The following CD226 variants were observed in gnomAD, a reference collection of about 807,000 sequenced individuals.
The protein encoded by CD226 is CD226 antigen.
A neutral mutation model predicts 34.9 loss-of-function variants in CD226; 24 were observed. The observed-to-expected ratio is 0.69, with a 90% CI of 0.50 to 0.97. The LOEUF is 0.97. CD226 is among the 50% of genes least tolerant of loss of function. The pLI is 0.00. For missense variants in CD226, 397 were observed against 412.7 expected, an observed-to-expected ratio of 0.96 and a Z score of 0.33; for synonymous variants, 148 against 147.4, an observed-to-expected ratio of 1.00 and a Z score of -0.03.
chr18:69,949,849 C>T (rs977417825), upstream of CD226, among the ~76,000 whole-genome samples: 6 of 152,166 alleles, frequency 3.9e-5, no homozygotes, highest in Admixed American at 6.5e-5. Context: ...CACACTCATG[C>T]ACTTACACGT....
intron 2 of CD226, among the ~76,000 whole-genome samples, chr18:69,927,338 T>C (rs574900603): frequency 1.2e-4 from 18 of 150,524 alleles, no homozygotes; most frequent in Admixed American, 9.3e-4. Flanking sequence ...TACTTTGTTA[T>C]AGCAGCCTGA....
At chr18:69,874,344 T>C (rs1451945272) in intron 3 of CD226, among the ~76,000 whole-genome samples, 1 of 152,140 alleles carries the variant, frequency 6.6e-6, no homozygotes, top group Non-Finnish European at 1.5e-5. Flanking sequence ...ACAACACACC[T>C]CTCACCCTTC....
In CD226 at chr18:69,909,801, T is replaced by G. The variant is rs1454190746; in HGVS notation, c.383-13756A>C. On this transcript the variant is annotated intron_variant, in intron 2 of 5. Coordinates refer to ENST00000582621, the MANE Select transcript of CD226 (RefSeq NM_001303618.2). ...AGAGGAAATGTCTGCAAATTAATCC[T>G]ACGCAACAATAATTCTGTAAAGCAT... Among the ~76,000 whole-genome samples the G allele has an allele frequency of 4.6e-5, 7 of 152,238 alleles. 1 individual carries two copies. Among genetic ancestry groups the G allele is most frequent in the African/African-American group, 1.7e-4 (7 of 41,474 alleles).
chr18:69,950,199 C>T (rs549317280), upstream of CD226, among the ~76,000 whole-genome samples: 97 of 152,256 alleles, frequency 6.4e-4, no homozygotes, highest in Admixed American at 9.8e-4. Flanking sequence ...CTCACATGCA[C>T]GCACACATGC....
At chr18:69,921,732 T>A (rs2055454438) in intron 2 of CD226, among the ~76,000 whole-genome samples, 1 of 152,198 alleles carries the variant, frequency 6.6e-6, no homozygotes, top group Non-Finnish European at 1.5e-5. Context: ...AGAATGCAAA[T>A]CTACACACTC....
At chr18:69,924,141 G>A (rs1008636267) in intron 2 of CD226, among the ~76,000 whole-genome samples, 1 of 151,714 alleles carries the variant, frequency 6.6e-6, no homozygotes. Context: ...CCGAGCCAAC[G>A]TCATAGAAGA....
intron 2 of CD226, among the ~76,000 whole-genome samples, chr18:69,942,667 G>A (rs2055740359): frequency 1.3e-5 from 2 of 152,114 alleles, no homozygotes; most frequent in African/African-American, 4.8e-5. Flanking sequence ...GTGCATGCAG[G>A]GAGAGAGTCT....
chr18:69,937,021 T>C (rs1399795984), intron 2 of CD226, among the ~76,000 whole-genome samples: 1 of 152,220 alleles, frequency 6.6e-6, no homozygotes, highest in African/African-American at 2.4e-5. Context: ...TTTTCGTATG[T>C]TTTCTTCCTT....
At chr18:69,881,715 G>A (rs933649734) in intron 3 of CD226, among the ~76,000 whole-genome samples, 1 of 152,128 alleles carries the variant, frequency 6.6e-6, no homozygotes, top group Non-Finnish European at 1.5e-5. Context: ...GTGTACAGCA[G>A]AGCATGCTTG....
intron 2 of CD226, among the ~76,000 whole-genome samples, chr18:69,924,037 C>T (rs1183598528): frequency 6.6e-6 from 1 of 151,782 alleles, no homozygotes; most frequent in Admixed American, 6.6e-5. Flanking sequence ...TCGAGGATGG[C>T]TTCCACAAAA....
At chr18:69,898,765 G>C (rs1239493222) in intron 2 of CD226, among the ~76,000 whole-genome samples, 1 of 152,162 alleles carries the variant, frequency 6.6e-6, no homozygotes, top group Non-Finnish European at 1.5e-5. Context: ...TATTGCTTGT[G>C]GCTTCTCAGA....
rs931737136 is a variant in CD226 at position 69,858,279 on chromosome 18, A to G, written c.*6035T>C. On this transcript the variant is annotated 3_prime_UTR_variant, in exon 6 of 6. Coordinates refer to ENST00000582621, the MANE Select transcript of CD226 (RefSeq NM_001303618.2). Reference sequence around the variant, plus strand: ...CCTTGAAACATTTATAAAAGGGTATATTAAACCCTGCCTTTAAGAAAACTA... The same window carrying G: ...CCTTGAAACATTTATAAAAGGGTATGTTAAACCCTGCCTTTAAGAAAACTA... The G allele has an allele frequency of 2.0e-5, 3 of 152,334 alleles. No individual in the cohort carries two copies. Among genetic ancestry groups the G allele is most frequent in the Admixed American group, 1.3e-4 (2 of 15,306 alleles). The allele number at this position is 152,334 out of a possible 1,614,324, so 9.4% of individuals were successfully genotyped here. A position where few individuals can be genotyped will look rare whatever the true frequency, so the allele number is the denominator to read the frequency against.
intron 2 of CD226, among the ~76,000 whole-genome samples, chr18:69,924,946 G>A (rs543079396): frequency 7.2e-5 from 11 of 152,256 alleles, no homozygotes; most frequent in African/African-American, 2.4e-4. Flanking sequence ...AAAGGGATTC[G>A]TTTCATCTTT....
chr18:69,911,524 G>A (rs1445050069), intron 2 of CD226, among the ~76,000 whole-genome samples: 1 of 152,112 alleles, frequency 6.6e-6, no homozygotes, highest in Non-Finnish European at 1.5e-5. Context: ...TTCACAGAGT[G>A]GGCACAACTG....
chr18:69,893,929 A>G (rs1016414493), intron 3 of CD226, among the ~76,000 whole-genome samples: 34 of 152,240 alleles, frequency 2.2e-4, no homozygotes, highest in African/African-American at 8.0e-4. Context: ...CTTCATTTTC[A>G]ACACAGGAAG....
intron 2 of CD226, among the ~76,000 whole-genome samples, chr18:69,945,359 T>C (rs541104599): frequency 1.3e-5 from 2 of 152,232 alleles, no homozygotes; most frequent in African/African-American, 4.8e-5. Flanking sequence ...TAACACCAGG[T>C]TGATGGAAAG....
intron 2 of CD226, among the ~76,000 whole-genome samples, chr18:69,914,943 A>C (rs1254355626): frequency 6.6e-6 from 1 of 152,196 alleles, no homozygotes; most frequent in African/African-American, 2.4e-5. Flanking sequence ...AAAGTGAGGG[A>C]AGATTTTACT....
chr18:69,880,838 A>T (rs1984214810), intron 3 of CD226, among the ~76,000 whole-genome samples: 1 of 152,000 alleles, frequency 6.6e-6, no homozygotes, highest in African/African-American at 2.4e-5. Flanking sequence ...TTTAGTAGAG[A>T]TGGGGTTTCA....
chr18:69,905,205 C>A (rs757673477), intron 2 of CD226, among the ~76,000 whole-genome samples: 19 of 152,172 alleles, frequency 1.2e-4, no homozygotes, highest in Non-Finnish European at 2.1e-4. Context: ...TTCCACCCTG[C>A]AGCAGGGCAG....
Sources: gnomAD v4.1 joint callset for allele counts (sites outside exome capture counted in the v4.1 genomes callset) on GRCh38, gnomAD v4.1.1 for gene constraint, MANE v1.5 for transcripts, NCBI Gene and HGNC (gene_info 2026-07-23, HGNC 2026-07-21) for gene names.